TEAD4: variants seen among roughly 807,000 people sequenced by gnomAD.
TEAD4 encodes the protein TEA domain transcription factor 4, also known as transcriptional enhancer factor TEF-3.
Under a neutral mutation model 52.4 loss-of-function variants are expected in TEAD4, and 36 were observed. The ratio of observed to expected loss-of-function variants is 0.69; its 90% CI spans 0.53 to 0.91. The LOEUF is 0.91. Among genes scored for constraint, TEAD4 ranks in the 40% least tolerant of loss-of-function variants. TEAD4 has a pLI of 0.00. For synonymous variants in TEAD4, 220 were observed against 231.0 expected (o/e 0.95, Z 0.43); for missense variants, 508 against 583.9 (o/e 0.87, Z 1.34).
At chr12:2,996,467 G>A (rs1173607124) in intron 3 of TEAD4, among the ~76,000 whole-genome samples, 1 of 150,270 alleles carries the variant, frequency 6.7e-6, no homozygotes, top group Non-Finnish European at 1.5e-5. Context: ...AGAGTGCAAT[G>A]GGCGCAATCT....
intron 2 of TEAD4, among the ~76,000 whole-genome samples, chr12:2,981,833 C>T (rs542409061): frequency 6.6e-6 from 1 of 152,216 alleles, no homozygotes; most frequent in African/African-American, 2.4e-5. Context: ...TGCTGCTCCT[C>T]TTTCACCTGT....
At chr12:3,028,587 A>G (rs995797602) in intron 10 of TEAD4, among the ~76,000 whole-genome samples, 3 of 151,906 alleles carry the variant, frequency 2.0e-5, no homozygotes, top group Admixed American at 2.0e-4. Context: ...CTTACTGGCC[A>G]TTCGTATATC....
intron 3 of TEAD4, among the ~76,000 whole-genome samples, chr12:3,000,475 G>A (rs3825369): frequency 6.6e-6 from 1 of 151,836 alleles, no homozygotes; most frequent in African/African-American, 2.4e-5. Context: ...TTTCTTCCTC[G>A]GAGACAGCCC....
chr12:3,011,214 A>C, intron 4 of TEAD4, 146 bp downstream of exon 4: 1 of 715,590 alleles, frequency 1.4e-6, no homozygotes. Context: ...GGCGTGTCAC[A>C]GGTGGTCCAG....
intron 2 of TEAD4, among the ~76,000 whole-genome samples, chr12:2,967,653 A>G (rs368226041): frequency 1.3e-5 from 2 of 152,230 alleles, no homozygotes; most frequent in East Asian, 1.9e-4. Flanking sequence ...CTGAAAAACG[A>G]AGGAAGAGGG....
chr12:3,000,179 G>A (rs1335800272), intron 3 of TEAD4, among the ~76,000 whole-genome samples: 2 of 152,220 alleles, frequency 1.3e-5, no homozygotes, highest in African/African-American at 2.4e-5. Context: ...AGACACTGGG[G>A]TTGTCCACAG....
chr12:2,977,880 C>A (rs552246103), intron 2 of TEAD4, among the ~76,000 whole-genome samples: 1 of 152,296 alleles, frequency 6.6e-6, no homozygotes, highest in East Asian at 1.9e-4. Flanking sequence ...GAGAAGGGCC[C>A]TTTTTTGGCC....
At chr12:2,976,131 G>T (rs1254812069) in intron 2 of TEAD4, among the ~76,000 whole-genome samples, 1 of 151,000 alleles carries the variant, frequency 6.6e-6, no homozygotes, top group Admixed American at 6.6e-5. Flanking sequence ...TCAGCCTCCC[G>T]AGTAGCTGGG....
chr12:3,017,292 T>G lies in TEAD4; in HGVS notation c.355-106T>G, dbSNP rs113371898. The G allele has an allele frequency of 2.0e-6, 3 of 1,477,916 alleles. No homozygotes were observed. The African/African-American group carries it at 4.2e-5, about 21-fold the overall frequency. 91.6% of individuals were successfully genotyped at this position (1,477,916 alleles called of 1,614,324 possible). On this transcript the variant is annotated intron_variant, in intron 5 of 12. Coordinates refer to ENST00000359864, the MANE Select transcript of TEAD4 (RefSeq NM_003213.4). ...GACTTAACGCCTGGTCCCCCAGCTCTGGCCACTGGCAGCGAGACAGCTTCC... is the reference window on the plus strand; with the variant it reads ...GACTTAACGCCTGGTCCCCCAGCTCGGGCCACTGGCAGCGAGACAGCTTCC...
chr12:3,005,999 T>C (rs2098255656), intron 3 of TEAD4, among the ~76,000 whole-genome samples: 1 of 152,210 alleles, frequency 6.6e-6, no homozygotes, highest in Admixed American at 6.5e-5. Context: ...TAATAACGTA[T>C]TGCATTTTTC....
chr12:3,038,090 G>A lies in TEAD4; in HGVS notation c.1020G>A (p.Gln340=). Residue 340 remains glutamine (Q), a synonymous_variant, in exon 11 of 13, where the codon CAG becomes CAA. Transcript: ENST00000359864. ...CGAAGGTCTGCTCTTTCGGCAAGCA[G>A]GTGGTGGAGAAAGTTGAGGTAGGAG... is the stretch of plus-strand genomic sequence containing the variant. The A allele has an allele frequency of 6.2e-7, 1 of 1,613,124 alleles. No individual in the cohort carries two copies. Among genetic ancestry groups the A allele is most frequent in the Admixed American group, 1.7e-5 (1 of 60,002 alleles).
chr12:3,039,842 C>T (rs536933511), intron 11 of TEAD4, among the ~76,000 whole-genome samples: 21 of 152,310 alleles, frequency 1.4e-4, no homozygotes, highest in South Asian at 1.0e-3. Flanking sequence ...CACGCGCCAC[C>T]GTGCCTGGCT....
chr12:2,980,903 G>A (rs1462752375), intron 2 of TEAD4, among the ~76,000 whole-genome samples: 1 of 152,208 alleles, frequency 6.6e-6, no homozygotes, highest in Non-Finnish European at 1.5e-5. Flanking sequence ...GCAGGAGGCA[G>A]CTTGCAGTGG....
chr12:2,976,321 C>CTT (rs769519037), intron 2 of TEAD4, among the ~76,000 whole-genome samples: 1 of 142,250 alleles, frequency 7.0e-6, no homozygotes, highest in Non-Finnish European at 1.5e-5. Context: ...CATCTCATTT[C>CTT]TTTTTTTTTT....
At chr12:3,022,983 G>A (rs554069890) in intron 10 of TEAD4, among the ~76,000 whole-genome samples, 1 of 152,258 alleles carries the variant, frequency 6.6e-6, no homozygotes, top group Non-Finnish European at 1.5e-5. Context: ...CTAGAAAGAG[G>A]CATATTCACA....
chr12:3,000,394 G>A (rs1477780245), intron 3 of TEAD4, among the ~76,000 whole-genome samples: 1 of 152,176 alleles, frequency 6.6e-6, no homozygotes, highest in African/African-American at 2.4e-5. Context: ...CGTGCTGGAG[G>A]GAACTCTGCA....
intron 10 of TEAD4, among the ~76,000 whole-genome samples, chr12:3,036,419 A>C (rs1415731874): frequency 6.6e-6 from 1 of 152,142 alleles, no homozygotes; most frequent in Non-Finnish European, 1.5e-5. Context: ...AACTTCTCCA[A>C]AGGAGAGAAA....
At chr12:3,009,107 A>G (rs1208577949) in intron 3 of TEAD4, among the ~76,000 whole-genome samples, 2 of 152,220 alleles carry the variant, frequency 1.3e-5, no homozygotes, top group East Asian at 3.8e-4. Flanking sequence ...AATCTGCGGG[A>G]AAAACCTTAA....
At chr12:2,965,173 T>G (rs567762758) in intron 2 of TEAD4, among the ~76,000 whole-genome samples, 19 of 152,278 alleles carry the variant, frequency 1.2e-4, no homozygotes, top group South Asian at 4.1e-4. Context: ...TAATGATTTT[T>G]TATTTTTTGA....
Sources: gnomAD v4.1 joint callset for allele counts (sites outside exome capture counted in the v4.1 genomes callset) on GRCh38, gnomAD v4.1.1 for gene constraint, MANE v1.5 for transcripts, NCBI Gene and HGNC (gene_info 2026-07-23, HGNC 2026-07-21) for gene names.